ZMYND8: variants seen among roughly 807,000 people sequenced by gnomAD.
ZMYND8 encodes zinc finger MYND-type containing 8, also known as MYND-type zinc finger-containing chromatin reader ZMYND8.
Under a neutral mutation model 140.8 loss-of-function variants are expected in ZMYND8, and 37 were observed. That is an observed-to-expected ratio of 0.26 (90% CI 0.20 to 0.35). ZMYND8 has a LOEUF of 0.35. ZMYND8 is among the 10% of genes least tolerant of loss of function. The probability of loss-of-function intolerance (pLI) is 1.00; values close to 1 mark genes in which losing one functional copy is unlikely to be tolerated. For missense variants in ZMYND8, 1,068 were observed against 1,570.0 expected, an observed-to-expected ratio of 0.68 and a Z score of 5.40; for synonymous variants, 592 against 597.1, an observed-to-expected ratio of 0.99 and a Z score of 0.12.
At chr20:47,250,607 C>A (rs933738973) in intron 12 of ZMYND8, among the ~76,000 whole-genome samples, 2 of 152,208 alleles carry the variant, frequency 1.3e-5, no homozygotes, top group African/African-American at 4.8e-5. Context: ...GTGAAAGAGG[C>A]CCCAGAATCT....
At chr20:47,350,109 A>G in intron 1 of ZMYND8, 2 of 1,243,398 alleles carry the variant, frequency 1.6e-6, no homozygotes, top group Non-Finnish European at 1.0e-6. Context: ...TATCTTTCCA[A>G]GTATTACAAG....
intron 12 of ZMYND8, among the ~76,000 whole-genome samples, chr20:47,254,941 AC>A (rs148232499): frequency 0.025 from 3,776 of 152,232 alleles, 150 homozygotes; most frequent in African/African-American, 0.085. Context: ...AGCCTGGCCA[AC>A]ACGGTGAAAC....
chr20:47,305,653 T>C (rs1267267325), intron 3 of ZMYND8, among the ~76,000 whole-genome samples: 1 of 152,078 alleles, frequency 6.6e-6, no homozygotes. Flanking sequence ...TAGCCACTCA[T>C]TCATGATATG....
intron 2 of ZMYND8, among the ~76,000 whole-genome samples, chr20:47,341,830 T>C (rs928010432): frequency 4.6e-5 from 7 of 151,544 alleles, no homozygotes; most frequent in African/African-American, 1.5e-4. Context: ...GGGGAAACCC[T>C]GTCTCTACTA....
chr20:47,315,818 C>T (rs561084787), intron 2 of ZMYND8, among the ~76,000 whole-genome samples: 1 of 152,270 alleles, frequency 6.6e-6, no homozygotes, highest in African/African-American at 2.4e-5. Context: ...TGACCCCGCC[C>T]GGCTGGCTCA....
At chr20:47,220,873 A>G (rs996073777) in intron 20 of ZMYND8, among the ~76,000 whole-genome samples, 10 of 152,212 alleles carry the variant, frequency 6.6e-5, no homozygotes, top group Admixed American at 6.5e-4. Flanking sequence ...ACAAACAAGG[A>G]GGTGAAACCT....
At chr20:47,243,848 T>C (rs1220425744) in intron 14 of ZMYND8, among the ~76,000 whole-genome samples, 2 of 152,274 alleles carry the variant, frequency 1.3e-5, no homozygotes, top group African/African-American at 4.8e-5. Context: ...ACGATCCTCA[T>C]GAAATAAATG....
chr20:47,278,311 C>T (rs569683226), intron 10 of ZMYND8, among the ~76,000 whole-genome samples: 84 of 152,264 alleles, frequency 5.5e-4, no homozygotes, highest in Middle Eastern at 3.4e-3. Flanking sequence ...ATTTCACAGA[C>T]CACAAACTGA....
chr20:47,338,477 G>A (rs1346635204), intron 2 of ZMYND8, among the ~76,000 whole-genome samples: 4 of 151,798 alleles, frequency 2.6e-5, no homozygotes, highest in African/African-American at 7.3e-5. Context: ...CACTGCGGAC[G>A]CTGAGATCAC....
At chr20:47,223,827 A>C (rs2037334498) in intron 19 of ZMYND8, among the ~76,000 whole-genome samples, 1 of 129,298 alleles carries the variant, frequency 7.7e-6, no homozygotes, top group African/African-American at 3.4e-5. Context: ...ACTCTGTCTC[A>C]AAAAAAAAAA....
chr20:47,243,473 T>A (rs1442751401), intron 14 of ZMYND8, among the ~76,000 whole-genome samples: 1 of 152,252 alleles, frequency 6.6e-6, no homozygotes, highest in Non-Finnish European at 1.5e-5. Flanking sequence ...GGAAAAGTTC[T>A]ACTTCTTTTA....
chr20:47,330,786 A>T (rs1463437614), intron 2 of ZMYND8, among the ~76,000 whole-genome samples: 1 of 152,238 alleles, frequency 6.6e-6, no homozygotes, highest in African/African-American at 2.4e-5. Context: ...CTTTTACTTC[A>T]GTCTCTAGGA....
At chr20:47,223,538 A>C (rs2037288873) in intron 19 of ZMYND8, among the ~76,000 whole-genome samples, 1 of 150,080 alleles carries the variant, frequency 6.7e-6, no homozygotes, top group African/African-American at 2.5e-5. Flanking sequence ...ATAAAATATT[A>C]TTGATGCCAG....
chr20:47,313,187 G>T (rs1415822754), intron 2 of ZMYND8, among the ~76,000 whole-genome samples: 2 of 149,454 alleles, frequency 1.3e-5, no homozygotes, highest in Non-Finnish European at 3.0e-5. Flanking sequence ...CTATGATCAC[G>T]TCGGAGCCTG....
At chr20:47,241,677 C>T (rs1008154839) in intron 14 of ZMYND8, among the ~76,000 whole-genome samples, 3 of 152,112 alleles carry the variant, frequency 2.0e-5, no homozygotes, top group East Asian at 1.9e-4. Context: ...CCTCAGCCCC[C>T]GGTAAGGTGA....
rs748213809 is a variant in ZMYND8, at chr20:47,283,562, C to T, written c.882+9G>A. Reference sequence around the variant, plus strand: ...AGTAAATGAAATAAGCAAAGTAAATCCAACTTACACAAGGCTCACAAAACC... The same window carrying T: ...AGTAAATGAAATAAGCAAAGTAAATTCAACTTACACAAGGCTCACAAAACC... On this transcript the variant is annotated intron_variant, in intron 9 of 22. Coordinates refer to ENST00000471951, the MANE Select transcript of ZMYND8 (RefSeq NM_001281775.3). 1.2e-6 allele frequency: 2 copies of T among 1,613,960 alleles called. No homozygotes were observed. The highest frequency in any genetic ancestry group is 1.1e-5 in the South Asian group (1 of 91,052).
At chr20:47,313,830 G>A (rs2079156588) in intron 2 of ZMYND8, among the ~76,000 whole-genome samples, 1 of 151,974 alleles carries the variant, frequency 6.6e-6, no homozygotes, top group African/African-American at 2.4e-5. Context: ...CTACTTGGGA[G>A]GCTGAGGCAG....
At chr20:47,226,846 G>A (rs1278588084) in intron 18 of ZMYND8, among the ~76,000 whole-genome samples, 1 of 152,078 alleles carries the variant, frequency 6.6e-6, no homozygotes, top group African/African-American at 2.4e-5. Flanking sequence ...ATTTTGTGTA[G>A]AGATAGGGTT....
rs1174729822 is a variant in ZMYND8, at chr20:47,233,205, C to CTTTT, written c.2856+3117_2856+3120dup. 4.5e-3 allele frequency among the ~76,000 whole-genome samples: 409 copies of CTTTT among 91,352 alleles called. 21 individuals are homozygous for CTTTT. The highest frequency in any genetic ancestry group is 0.019 in the African/African-American group (381 of 19,768). The allele number at this position is 91,352 out of a possible 152,430, so 59.9% of individuals were successfully genotyped here. A position where few individuals can be genotyped will look rare whatever the true frequency, so the allele number is the denominator to read the frequency against. ...TCCAGGTGTGAGACACCGCACCAGG[C>CTTTT]TTTTTTTTTTTTTTTTTTTTTGAGA... On this transcript the variant is annotated intron_variant, in intron 16 of 22. Coordinates refer to ENST00000471951, the MANE Select transcript of ZMYND8 (RefSeq NM_001281775.3).
Sources: gnomAD v4.1 joint callset for allele counts (sites outside exome capture counted in the v4.1 genomes callset) on GRCh38, gnomAD v4.1.1 for gene constraint, MANE v1.5 for transcripts, NCBI Gene and HGNC (gene_info 2026-07-23, HGNC 2026-07-21) for gene names.